PKP1: variants seen among roughly 807,000 people sequenced by gnomAD.
PKP1 encodes plakophilin 1, also known as plakophilin-1.
A neutral mutation model predicts 76.4 loss-of-function variants in PKP1; 27 were observed. The ratio of observed to expected loss-of-function variants is 0.35; its 90% CI spans 0.26 to 0.49. PKP1 has a LOEUF of 0.49. Ranked by LOEUF, PKP1 falls within the 20% of genes least tolerant of loss-of-function variation. The pLI is 0.99. For synonymous variants in PKP1, 404 were observed against 384.2 expected, an observed-to-expected ratio of 1.05 and a Z score of -0.60; for missense variants, 964 against 955.2, an observed-to-expected ratio of 1.01 and a Z score of -0.12.
At chr1:201,286,856 C>T (rs988265651) in intron 1 of PKP1, among the ~76,000 whole-genome samples, 1 of 152,262 alleles carries the variant, frequency 6.6e-6, no homozygotes, top group East Asian at 1.9e-4. Flanking sequence ...GGGAAATGAC[C>T]TCCCTGAGGA....
chr1:201,313,077 G>C, intron 2 of PKP1, 89 bp from the exon 3 acceptor site: 1 of 1,330,698 alleles, frequency 7.5e-7, no homozygotes. Context: ...TTATTATGGG[G>C]GCTGGGGAGG....
intron 1 of PKP1, 150 bp from the exon 2 acceptor site, chr1:201,293,792 A>T (rs565241795): frequency 1.4e-5 from 10 of 692,226 alleles, no homozygotes; most frequent in Middle Eastern, 3.4e-4. Flanking sequence ...AGATAGATGG[A>T]GATGACATTC....
chr1:201,309,855 A>G (rs1656484992), intron 2 of PKP1, among the ~76,000 whole-genome samples: 1 of 152,252 alleles, frequency 6.6e-6, no homozygotes, highest in African/African-American at 2.4e-5. Context: ...GGGACAGCCT[A>G]TACAAAGAAT....
chr1:201,326,399 C>A (rs1286740105), intron 12 of PKP1, among the ~76,000 whole-genome samples: 1 of 152,202 alleles, frequency 6.6e-6, no homozygotes, highest in African/African-American at 2.4e-5. Flanking sequence ...TGTCCTCCAC[C>A]CCTCCCCAGC....
intron 11 of PKP1, 46 bp downstream of exon 11, chr1:201,325,173 C>T: frequency 6.3e-7 from 1 of 1,577,740 alleles, no homozygotes; most frequent in Non-Finnish European, 8.7e-7. Flanking sequence ...ATCAGAGCCC[C>T]TCCTCACCCT....
At chr1:201,284,047 G>A (rs965890967) in intron 1 of PKP1, 143 bp downstream of exon 1, 22 of 793,082 alleles carry the variant, frequency 2.8e-5, no homozygotes, top group Non-Finnish European at 4.0e-5. Flanking sequence ...CGCACCTAGT[G>A]CGAGCAGCCG....
chr1:201,328,127 C>T (rs1482353381), intron 12 of PKP1, among the ~76,000 whole-genome samples: 1 of 152,188 alleles, frequency 6.6e-6, no homozygotes, highest in East Asian at 1.9e-4. Context: ...GCACCTTGGC[C>T]TATTGCTGCA....
chr1:201,327,403 C>A (rs1356550332), intron 12 of PKP1, among the ~76,000 whole-genome samples: 1 of 152,188 alleles, frequency 6.6e-6, no homozygotes, highest in Non-Finnish European at 1.5e-5. Flanking sequence ...TTGGGGAAAT[C>A]TGAAGGTCAC....
Position 201,283,543 on chromosome 1 carries a change from G to C in PKP1, c.-160G>C. 1 of 701,396 alleles carries C rather than the reference G, an allele frequency of 1.4e-6. No individual in the cohort carries two copies. Among genetic ancestry groups the C allele is most frequent in the Non-Finnish European group, 2.5e-6 (1 of 395,928 alleles). 43.4% of individuals were successfully genotyped at this position (701,396 alleles called of 1,614,324 possible). A position where few individuals can be genotyped will look rare whatever the true frequency, so the allele number is the denominator to read the frequency against. The stretch of plus-strand genomic sequence containing the variant: ...GGACGAACCAGGGTGGAAGCGCCAG[G>C]AGCAGCTGCAGGGAGCCCTCACGCG... On this transcript the variant is annotated 5_prime_UTR_variant, in exon 1 of 14. Transcript: ENST00000367324.
chr1:201,326,731 C>T (rs1657137823), intron 12 of PKP1, among the ~76,000 whole-genome samples: 1 of 152,162 alleles, frequency 6.6e-6, no homozygotes, highest in Non-Finnish European at 1.5e-5. Context: ...CCAGAGCTAC[C>T]ATACAGAGTG....
chr1:201,325,475 G>A (rs987745307), intron 11 of PKP1, among the ~76,000 whole-genome samples: 3 of 152,100 alleles, frequency 2.0e-5, no homozygotes, highest in African/African-American at 7.2e-5. Flanking sequence ...CTCTTCCCCG[G>A]ACAAGGCTGG....
chr1:201,306,299 G>T (rs1418165149), intron 2 of PKP1, among the ~76,000 whole-genome samples: 1 of 152,210 alleles, frequency 6.6e-6, no homozygotes, highest in Non-Finnish European at 1.5e-5. Context: ...CGTGTTGATG[G>T]AGCACCAGGT....
chr1:201,283,561 C>T lies in PKP1; in HGVS notation c.-142C>T. On this transcript the variant is annotated 5_prime_UTR_variant, in exon 1 of 14. Coordinates refer to ENST00000367324, the MANE Select transcript of PKP1 (RefSeq NM_001005337.3). ...GCGCCAGGAGCAGCTGCAGGGAGCC[C>T]TCACGCGGACCACGCACTCTATGGC... 1 of 766,698 alleles carries T rather than the reference C, an allele frequency of 1.3e-6. No homozygotes were observed. Among genetic ancestry groups the T allele is most frequent in the Non-Finnish European group, 2.2e-6 (1 of 449,072 alleles). 47.5% of individuals were successfully genotyped at this position (766,698 alleles called of 1,614,324 possible).
At chr1:201,316,804 T>G in intron 4 of PKP1, 107 bp downstream of exon 4, 145 of 1,252,082 alleles carry the variant, frequency 1.2e-4, no homozygotes, top group Middle Eastern at 5.3e-4. Context: ...TTGGCTTCTC[T>G]TGCCTTGCCC....
At chr1:201,325,208 C>G (rs1402932059) in intron 11 of PKP1, 81 bp downstream of exon 11, 9 of 1,413,384 alleles carry the variant, frequency 6.4e-6, no homozygotes, top group Non-Finnish European at 8.9e-6. Flanking sequence ...AGTCCCGCAG[C>G]TCTCCATGGA....
intron 1 of PKP1, among the ~76,000 whole-genome samples, chr1:201,288,474 G>T (rs1655802956): frequency 6.6e-6 from 1 of 152,190 alleles, no homozygotes; most frequent in Non-Finnish European, 1.5e-5. Flanking sequence ...GACTTAGTGA[G>T]TATGAAAGAT....
chr1:201,312,235 G>T (rs1238471716), intron 2 of PKP1, among the ~76,000 whole-genome samples: 3 of 152,216 alleles, frequency 2.0e-5, no homozygotes, highest in African/African-American at 7.2e-5. Flanking sequence ...TTTGCTTCTT[G>T]CCCTGGAAGA....
intron 2 of PKP1, among the ~76,000 whole-genome samples, chr1:201,308,197 C>T (rs564978602): frequency 6.7e-6 from 1 of 148,554 alleles, no homozygotes; most frequent in Admixed American, 6.7e-5. Context: ...TGCCGTGCAC[C>T]GGCACAGGCT....
chr1:201,284,992 C>T (rs1265084148), intron 1 of PKP1, among the ~76,000 whole-genome samples: 1 of 152,188 alleles, frequency 6.6e-6, no homozygotes, highest in Non-Finnish European at 1.5e-5. Flanking sequence ...CACTTTGATA[C>T]AAAGGATGCC....
Sources: allele counts gnomAD v4.1 joint callset (sites outside exome capture counted in the v4.1 genomes callset), GRCh38; gene constraint gnomAD v4.1.1; transcripts MANE v1.5; gene names NCBI Gene and HGNC (gene_info 2026-07-23, HGNC 2026-07-21).